Variants in FAM13A observed in about 807,000 individuals in gnomAD.
The protein encoded by FAM13A is family with sequence similarity 13 member A, also known as protein FAM13A.
A neutral mutation model predicts 129.6 loss-of-function variants in FAM13A; 76 were observed. The ratio of observed to expected loss-of-function variants is 0.59; its 90% CI spans 0.49 to 0.71. FAM13A has a LOEUF of 0.71. Among genes scored for constraint, FAM13A ranks in the 30% least tolerant of loss-of-function variants. The probability of loss-of-function intolerance (pLI) is 0.00; values close to 1 mark genes in which losing one functional copy is unlikely to be tolerated. For missense variants in FAM13A, 1,108 were observed against 1,249.3 expected (o/e 0.89, Z 1.70); for synonymous variants, 443 against 449.9 (o/e 0.98, Z 0.20).
At chr4:88,957,082 T>C (rs940119946) in intron 4 of FAM13A, among the ~76,000 whole-genome samples, 1 of 152,128 alleles carries the variant, frequency 6.6e-6, no homozygotes, top group Admixed American at 6.5e-5. Context: ...TCCCAGAACT[T>C]TGAAAGGCTG....
At chr4:88,893,628 A>G (rs572164590) in intron 6 of FAM13A, among the ~76,000 whole-genome samples, 15 of 117,108 alleles carry the variant, frequency 1.3e-4, no homozygotes, top group Non-Finnish European at 1.7e-4. Context: ...GTCTCAATGA[A>G]TGAATGAATG....
chr4:88,815,708 A>G (rs1005130584), intron 7 of FAM13A, among the ~76,000 whole-genome samples: 2 of 152,158 alleles, frequency 1.3e-5, no homozygotes, highest in Non-Finnish European at 2.9e-5. Context: ...AATTTCCTTC[A>G]GTGTATCTCT....
At chr4:88,868,020 T>C (rs192351186) in intron 6 of FAM13A, among the ~76,000 whole-genome samples, 2 of 152,312 alleles carry the variant, frequency 1.3e-5, no homozygotes, top group African/African-American at 2.4e-5. Context: ...GAAGTTAAGA[T>C]TGATTTTGCC....
At chr4:88,909,247 G>C (rs1748647815) in intron 5 of FAM13A, among the ~76,000 whole-genome samples, 1 of 152,076 alleles carries the variant, frequency 6.6e-6, no homozygotes. Flanking sequence ...TCACATAATA[G>C]AATATTCTTC....
chr4:88,836,744 G>A (rs552215176), intron 7 of FAM13A, among the ~76,000 whole-genome samples: 52 of 152,254 alleles, frequency 3.4e-4, no homozygotes, highest in Admixed American at 2.2e-3. Flanking sequence ...TGGATCACCT[G>A]AGGTCGGGAG....
chr4:88,804,907 T>G (rs1728251871), intron 8 of FAM13A, 104 bp downstream of exon 8: 1 of 706,254 alleles, frequency 1.4e-6, no homozygotes, highest in Admixed American at 2.6e-5. Context: ...CTGGCCACAG[T>G]AATGAATGTT....
Position 89,034,610 on chromosome 4 carries a change from G to A in FAM13A, c.28-4961C>T, listed in dbSNP as rs565896024. ...AAAGGAAAATAAATCAGCTGGGCAC[G>A]GTGGCTCATGCCTGTAATCTCAGCA... is the stretch of plus-strand genomic sequence containing the variant. On this transcript the variant is annotated intron_variant, in intron 1 of 23. Transcript: ENST00000264344. Among the ~76,000 whole-genome samples the A allele has an allele frequency of 5.3e-5, 8 of 152,260 alleles. No individual in the cohort carries two copies. In the East Asian group the frequency reaches 1.4e-3, roughly 26 times the overall value.
At chr4:88,847,477 G>T (rs1736835199) in intron 7 of FAM13A, among the ~76,000 whole-genome samples, 1 of 152,214 alleles carries the variant, frequency 6.6e-6, no homozygotes, top group Non-Finnish European at 1.5e-5. Flanking sequence ...ATGCCAACCA[G>T]AAGAACAAAT....
chr4:88,815,497 G>A (rs942418864), intron 7 of FAM13A, among the ~76,000 whole-genome samples: 33 of 152,140 alleles, frequency 2.2e-4, no homozygotes, highest in African/African-American at 7.7e-4. Flanking sequence ...GATATCAGAA[G>A]TCAAATTTAT....
At chr4:89,021,249 T>C (rs1430487643) in intron 2 of FAM13A, among the ~76,000 whole-genome samples, 1 of 152,178 alleles carries the variant, frequency 6.6e-6, no homozygotes, top group Non-Finnish European at 1.5e-5. Flanking sequence ...GAAGGCCTCC[T>C]GGAGGAGGTA....
At chr4:88,907,320 T>C (rs767064239) in intron 5 of FAM13A, among the ~76,000 whole-genome samples, 14 of 152,324 alleles carry the variant, frequency 9.2e-5, no homozygotes, top group Non-Finnish European at 1.9e-4. Flanking sequence ...CCATATCCCA[T>C]TTCTTCCCCA....
intron 5 of FAM13A, among the ~76,000 whole-genome samples, chr4:88,916,787 C>T (rs1750192280): frequency 6.6e-6 from 1 of 152,152 alleles, no homozygotes; most frequent in South Asian, 2.1e-4. Flanking sequence ...AGCTCCCCAG[C>T]TCATACACAG....
chr4:88,739,098 T>G lies in FAM13A; in HGVS notation c.2494A>C (p.Lys832Gln). The G allele has an allele frequency of 6.2e-7, 1 of 1,613,826 alleles. No individual in the cohort carries two copies. The highest frequency in any genetic ancestry group is 8.5e-7 in the Non-Finnish European group (1 of 1,179,818). The change falls in exon 20 of 24, where the codon AAG becomes CAG. Residue 832 changes from lysine (K) to glutamine (Q), a missense_variant. Transcript: ENST00000264344. The part of the protein sequence containing the change: ...PVTKNERQVM[K>Q]PLYDRYRLVK... ...AGCCGGTACCTGTCGTATAGTGGCT[T>G]CATCACCTGCCGTTCGTTCTTTGTT...
chr4:88,881,301 G>C (rs1743521514), intron 6 of FAM13A, among the ~76,000 whole-genome samples: 1 of 152,152 alleles, frequency 6.6e-6, no homozygotes, highest in African/African-American at 2.4e-5. Context: ...CACATCACAG[G>C]ACTCTGTGCA....
At chr4:88,965,364 C>A (rs995161707) in intron 4 of FAM13A, among the ~76,000 whole-genome samples, 2 of 152,190 alleles carry the variant, frequency 1.3e-5, no homozygotes, top group Non-Finnish European at 2.9e-5. Flanking sequence ...CAGCAGACTT[C>A]TCTCAATTAA....
chr4:89,039,897 G>A, intron 1 of FAM13A, among the ~76,000 whole-genome samples: 1 of 151,578 alleles, frequency 6.6e-6, no homozygotes, highest in Non-Finnish European at 1.5e-5. Context: ...AAGCTGCAGT[G>A]AGCTACGATC....
chr4:88,803,154 G>C (rs989794168), intron 8 of FAM13A, among the ~76,000 whole-genome samples: 63 of 152,148 alleles, frequency 4.1e-4, no homozygotes, highest in African/African-American at 1.4e-3. Context: ...GTCTTGATTG[G>C]GCCTACTTTT....
intron 3 of FAM13A, among the ~76,000 whole-genome samples, chr4:89,015,345 C>A (rs1766335728): frequency 6.6e-6 from 1 of 152,200 alleles, no homozygotes; most frequent in Non-Finnish European, 1.5e-5. Context: ...CTCCCTCCCC[C>A]TTTTGAAAAT....
chr4:89,056,926 G>A lies in FAM13A; in HGVS notation c.27+12C>T, dbSNP rs768892654. 6.2e-7 allele frequency: 1 copy of A among 1,612,954 alleles called. No homozygotes were observed. Among genetic ancestry groups the A allele is most frequent in the Non-Finnish European group, 8.5e-7 (1 of 1,179,316 alleles). On this transcript the variant is annotated intron_variant, in intron 1 of 23. Transcript: ENST00000264344. ...CAGTAAACACAGAAGACAGAAGAAG[G>A]CCTATACTTACACAGATGGCTAGAG...
Sources: allele counts gnomAD v4.1 joint callset (sites outside exome capture counted in the v4.1 genomes callset), GRCh38; gene constraint gnomAD v4.1.1; transcripts MANE v1.5; gene names NCBI Gene and HGNC (gene_info 2026-07-23, HGNC 2026-07-21).